Variants in CFH observed in about 807,000 individuals in gnomAD.
The protein encoded by CFH is H factor 1 (complement).
Under a neutral mutation model 147.3 loss-of-function variants are expected in CFH, and 53 were observed. That is an observed-to-expected ratio of 0.36 (90% CI 0.29 to 0.45). The LOEUF (loss-of-function observed/expected upper bound fraction) is 0.45. Ranked by LOEUF, CFH falls within the 20% of genes least tolerant of loss-of-function variation. The pLI is 1.00. For missense variants in CFH, 1,380 were observed against 1,498.0 expected (o/e 0.92, Z 1.30); for synonymous variants, 536 against 489.4 (o/e 1.10, Z -1.26).
At chr1:196,684,825 G>C (rs968927474) in intron 6 of CFH, among the ~76,000 whole-genome samples, 1 of 151,930 alleles carries the variant, frequency 6.6e-6, no homozygotes. Context: ...ATGAAGTATG[G>C]GATGACTTTG....
chr1:196,709,724 A>G (rs1668679721), intron 9 of CFH, among the ~76,000 whole-genome samples: 1 of 152,110 alleles, frequency 6.6e-6, no homozygotes, highest in Non-Finnish European at 1.5e-5. Flanking sequence ...TTTCCTTTCT[A>G]TAGATAAAAT....
intron 9 of CFH, among the ~76,000 whole-genome samples, chr1:196,703,419 C>A (rs1668509425): frequency 6.6e-6 from 1 of 152,124 alleles, no homozygotes; most frequent in Non-Finnish European, 1.5e-5. Context: ...GAGAGAGATA[C>A]TAAAGAAAAA....
At chr1:196,657,350 T>C (rs1319845057) in intron 1 of CFH, among the ~76,000 whole-genome samples, 1 of 152,210 alleles carries the variant, frequency 6.6e-6, no homozygotes, top group African/African-American at 2.4e-5. Flanking sequence ...ATCGTATATA[T>C]GCATATAGAA....
At position 196,747,219 on chromosome 1, in the gene CFH, G is replaced by T; in HGVS notation, c.3602G>T (p.Cys1201Phe). The T allele has an allele frequency of 6.2e-7, 1 of 1,613,938 alleles. No individual in the cohort carries two copies. Among genetic ancestry groups the T allele is most frequent in the Non-Finnish European group, 8.5e-7 (1 of 1,179,874 alleles). ...ACAGGTGAATCAGTTGAATTTGTGT[G>T]TAAACGGGGATATCGTCTTTCATCA... ...SRTGESVEFVCKRGYRLSSRS... is the reference protein window; with the variant it reads ...SRTGESVEFVFKRGYRLSSRS... Residue 1201 changes from cysteine to phenylalanine, a missense_variant, in exon 22 of 22, where the codon TGT (cysteine) becomes TTT (phenylalanine). Transcript: ENST00000367429.
intron 20 of CFH, among the ~76,000 whole-genome samples, chr1:196,744,338 A>G (rs939199329): frequency 6.6e-6 from 1 of 152,134 alleles, no homozygotes; most frequent in Non-Finnish European, 1.5e-5. Flanking sequence ...TTATTGATAT[A>G]TAGGACTTAA....
At chr1:196,742,534 A>G (rs1156494438) in intron 19 of CFH, among the ~76,000 whole-genome samples, 5 of 152,244 alleles carry the variant, frequency 3.3e-5, no homozygotes, top group Non-Finnish European at 7.3e-5. Flanking sequence ...TAAAAATAAA[A>G]AGATGGAACT....
intron 9 of CFH, among the ~76,000 whole-genome samples, chr1:196,709,128 A>G (rs1257378583): frequency 2.0e-5 from 3 of 152,048 alleles, no homozygotes; most frequent in African/African-American, 7.2e-5. Flanking sequence ...TAAAAACCAA[A>G]CTAAAGAAAA....
intron 5 of CFH, 121 bp from the exon 6 acceptor site, chr1:196,679,502 C>T: frequency 1.4e-6 from 1 of 700,670 alleles, no homozygotes; most frequent in South Asian, 1.9e-5. Flanking sequence ...CAAAACAGAA[C>T]TTTTGTTTGG....
rs1276358949 is a variant in CFH at position 196,726,477 on chromosome 1, A to G, written c.1881A>G (p.Val627=). Residue 627 remains valine (V), a synonymous_variant, in exon 13 of 22, where the codon GTA becomes GTG. Coordinates refer to ENST00000367429, the MANE Select transcript of CFH (RefSeq NM_000186.4). ...ATAGTATTTCTACTATAGAGCAAGTACAATCATGTGGTCCACCTCCTGAAC... is the reference window on the plus strand; with the variant it reads ...ATAGTATTTCTACTATAGAGCAAGTGCAATCATGTGGTCCACCTCCTGAAC... ...SPDLPICKEQ[V]QSCGPPPELL... 3 of 1,609,308 alleles carry G rather than the reference A, an allele frequency of 1.9e-6. No individual in the cohort carries two copies. The highest frequency in any genetic ancestry group is 4.5e-5 in the East Asian group (2 of 44,680).
chr1:196,694,405 T>C (rs148310644), intron 9 of CFH, among the ~76,000 whole-genome samples: 22 of 152,222 alleles, frequency 1.4e-4, no homozygotes, highest in Admixed American at 3.9e-4. Context: ...AGTCTATCAT[T>C]GATGGGCATT....
At chr1:196,746,831 G>A (rs1288890944) in intron 21 of CFH, among the ~76,000 whole-genome samples, 7 of 149,768 alleles carry the variant, frequency 4.7e-5, no homozygotes, top group Non-Finnish European at 1.0e-4. Flanking sequence ...AAGCAGCAAT[G>A]ATAAGTTCTA....
At position 196,726,550 on chromosome 1, in the gene CFH, A is replaced by G. The variant is rs760344099; in HGVS notation, c.1954A>G (p.Ser652Gly). ...AAAAACGAAAGAAGAATATGGACAC[A>G]GTGAAGTGGTGGAATATTATTGCAA... ...KEKTKEEYGH[S>G]EVVEYYCNPR... The change falls in exon 13 of 22, where the codon AGT becomes GGT. Residue 652 changes from serine to glycine, a missense_variant. Transcript: ENST00000367429. 6.2e-7 allele frequency: 1 copy of G among 1,612,916 alleles called. No homozygotes were observed. The highest frequency in any genetic ancestry group is 8.5e-7 in the Non-Finnish European group (1 of 1,179,010).
At chr1:196,707,125 T>G (rs1668608491) in intron 9 of CFH, among the ~76,000 whole-genome samples, 1 of 151,938 alleles carries the variant, frequency 6.6e-6, no homozygotes, top group South Asian at 2.1e-4. Context: ...CAGACTGAAG[T>G]CTACTGAAAA....
At position 196,684,005 on chromosome 1, in the gene CFH, G is replaced by A. The variant is rs540305879; in HGVS notation, c.791-1059G>A. On this transcript the variant is annotated intron_variant, in intron 6 of 21. Transcript: ENST00000367429. Reference sequence around the variant, plus strand: ...ATAAAATATGACTCCAATAGAAGTGGTCATATAGTTTTTCTACAATACTTA... The same window carrying A: ...ATAAAATATGACTCCAATAGAAGTGATCATATAGTTTTTCTACAATACTTA... Among the ~76,000 whole-genome samples, 3 of 151,952 alleles carry A rather than the reference G, an allele frequency of 2.0e-5. No individual in the cohort carries two copies. In the South Asian group the frequency reaches 6.2e-4, roughly 32 times the overall value.
intron 15 of CFH, among the ~76,000 whole-genome samples, chr1:196,729,225 C>A (rs1669224729): frequency 6.6e-6 from 1 of 152,000 alleles, no homozygotes; most frequent in Non-Finnish European, 1.5e-5. Context: ...CTGCTATCAA[C>A]ATTTCAATAT....
In CFH at chr1:196,741,889, A is replaced by G. The variant is rs779016487; in HGVS notation, c.2971A>G (p.Ser991Gly). 1.2e-6 allele frequency: 2 copies of G among 1,614,074 alleles called. No homozygotes were observed. The highest frequency in any genetic ancestry group is 1.1e-5 in the South Asian group (1 of 91,084). ...TCCTATTTCAGAAACAGATTGTCTC[A>G]GTTTACCTAGCTTTGAAAATGCCAT... ...PPSCIKTDCL[S>G]LPSFENAIPM... Residue 991 changes from serine to glycine, a missense_variant, in exon 19 of 22, where the codon AGT (serine) becomes GGT (glycine). Transcript: ENST00000367429.
At chr1:196,723,767 G>A (rs1029786380) in intron 11 of CFH, among the ~76,000 whole-genome samples, 5 of 151,974 alleles carry the variant, frequency 3.3e-5, no homozygotes, top group African/African-American at 9.7e-5. Context: ...GGAAGACCCT[G>A]GGGAGATACC....
intron 9 of CFH, among the ~76,000 whole-genome samples, chr1:196,706,600 C>T (rs1668595535): frequency 6.6e-6 from 1 of 152,192 alleles, no homozygotes; most frequent in South Asian, 2.1e-4. Flanking sequence ...GGATATGTGA[C>T]ACGGAAGAAA....
In CFH at chr1:196,673,839, CT is replaced by C. The variant is rs35507625; in HGVS notation, c.245-9del. ...CTTGCTATTACATACTAATTCATAA[CT>C]TTTTTTTTCGTTTTAGAAAGGCCCT... is the stretch of plus-strand genomic sequence containing the variant. On this transcript the variant is annotated splice_polypyrimidine_tract_variant and intron_variant, in intron 2 of 21. Coordinates refer to ENST00000367429, the MANE Select transcript of CFH (RefSeq NM_000186.4). 9.0e-4 allele frequency: 1,332 copies of C among 1,485,816 alleles called. 9 individuals carry two copies. In the African/African-American group the frequency reaches 0.015, roughly 17 times the overall value. 92.0% of individuals were successfully genotyped at this position (1,485,816 alleles called of 1,614,324 possible). A position where few individuals can be genotyped will look rare whatever the true frequency, so the allele number is the denominator to read the frequency against.
Sources: gnomAD v4.1 joint callset for allele counts (sites outside exome capture counted in the v4.1 genomes callset) on GRCh38, gnomAD v4.1.1 for gene constraint, MANE v1.5 for transcripts, NCBI Gene and HGNC (gene_info 2026-07-23, HGNC 2026-07-21) for gene names.